Variants in DIAPH2 observed in about 807,000 individuals in gnomAD.
DIAPH2 encodes protein diaphanous homolog 2.
Under a neutral mutation model 92.7 loss-of-function variants are expected in DIAPH2, and 35 were observed. The ratio of observed to expected loss-of-function variants is 0.38; its 90% CI spans 0.29 to 0.50. DIAPH2 has a LOEUF of 0.50. DIAPH2 is among the 20% of genes least tolerant of loss of function. The pLI, the probability that DIAPH2 is intolerant of heterozygous loss-of-function variation, is 0.94. For missense variants in DIAPH2, 701 were observed against 819.5 expected (o/e 0.86, Z 1.77); for synonymous variants, 301 against 280.4 (o/e 1.07, Z -0.73).
intron 7 of DIAPH2, among the ~76,000 whole-genome samples, chrX:96,913,602 C>A (rs1335756921): frequency 9.0e-6 from 1 of 111,158 alleles, no homozygotes; most frequent in Non-Finnish European, 1.9e-5. Flanking sequence ...TGTTTCCACA[C>A]AGAGAATTTC....
chrX:97,549,181 C>G (rs1388319075), intron 26 of DIAPH2, among the ~76,000 whole-genome samples: 1 of 112,104 alleles, frequency 8.9e-6, no homozygotes, highest in African/African-American at 3.2e-5. Context: ...TGCTAAATAG[C>G]TTCAGCATTT....
chrX:97,306,540 T>G (rs1347004220), intron 23 of DIAPH2, among the ~76,000 whole-genome samples: 1 of 111,976 alleles, frequency 8.9e-6, no homozygotes, highest in African/African-American at 3.2e-5. Flanking sequence ...TTCTGAGCCT[T>G]CCTTATCTCT....
intron 17 of DIAPH2, among the ~76,000 whole-genome samples, chrX:96,972,151 G>A (rs1482199378): frequency 9.0e-6 from 1 of 111,301 alleles, no homozygotes; most frequent in Non-Finnish European, 1.9e-5. Flanking sequence ...TTTGCTAATA[G>A]CTGTTTCAAA....
chrX:96,862,186 G>A (rs184869087), intron 4 of DIAPH2, among the ~76,000 whole-genome samples: 283 of 111,764 alleles, frequency 2.5e-3, no homozygotes, highest in African/African-American at 8.7e-3. Context: ...CAGAGTGTCT[G>A]GCACATAGTA....
intron 23 of DIAPH2, among the ~76,000 whole-genome samples, chrX:97,257,066 C>T (rs2068243519): frequency 9.1e-6 from 1 of 109,832 alleles, no homozygotes. Context: ...ATCATGCTGT[C>T]TTTTATGTTG....
chrX:96,856,117 G>A (rs1195140822), intron 4 of DIAPH2, among the ~76,000 whole-genome samples: 1 of 111,812 alleles, frequency 8.9e-6, no homozygotes, highest in Admixed American at 9.5e-5. Flanking sequence ...GTGGAGTGGA[G>A]GGAGGAATAG....
At chrX:96,981,595 T>A (rs1408715109) in intron 17 of DIAPH2, among the ~76,000 whole-genome samples, 1 of 112,058 alleles carries the variant, frequency 8.9e-6, no homozygotes, top group East Asian at 2.8e-4. Flanking sequence ...TTCAATTTTG[T>A]TTTCTACCCT....
At chrX:97,166,891 CATAA>C (rs755240826) in intron 22 of DIAPH2, among the ~76,000 whole-genome samples, 32 of 112,083 alleles carry the variant, frequency 2.9e-4, no homozygotes, top group Admixed American at 2.1e-3. Context: ...ATTATGTATA[CATAA>C]ATAATCTATT....
intron 26 of DIAPH2, among the ~76,000 whole-genome samples, chrX:97,596,026 A>G (rs779095639): frequency 2.1e-4 from 24 of 111,989 alleles, no homozygotes; most frequent in Admixed American, 4.7e-4. Flanking sequence ...TCACCTTCAC[A>G]TGGGGCACAT....
At chrX:97,509,111 A>T (rs1195112846) in intron 26 of DIAPH2, among the ~76,000 whole-genome samples, 1 of 108,442 alleles carries the variant, frequency 9.2e-6, no homozygotes, top group Non-Finnish European at 1.9e-5. Flanking sequence ...CAGTGGTGCG[A>T]TCTTGGCTCA....
intron 15 of DIAPH2, among the ~76,000 whole-genome samples, chrX:96,955,346 C>T (rs766930423): frequency 9.8e-5 from 11 of 111,869 alleles, no homozygotes; most frequent in South Asian, 7.5e-4. Context: ...CCCCTGGTCC[C>T]GCCCTTGACA....
At chrX:96,807,345 C>A (rs1387744786) in intron 4 of DIAPH2, among the ~76,000 whole-genome samples, 5 of 111,411 alleles carry the variant, frequency 4.5e-5, no homozygotes, top group Non-Finnish European at 9.4e-5. Flanking sequence ...TTTATTTTAG[C>A]AAATAAACTC....
intron 3 of DIAPH2, among the ~76,000 whole-genome samples, chrX:96,751,802 C>T (rs1463534642): frequency 2.2e-4 from 20 of 92,493 alleles, no homozygotes; most frequent in African/African-American, 5.7e-4. Flanking sequence ...TACAGGCGCC[C>T]GCCACTACGC....
chrX:97,457,822 C>T (rs1377314602), intron 26 of DIAPH2, among the ~76,000 whole-genome samples: 2 of 112,159 alleles, frequency 1.8e-5, no homozygotes, highest in East Asian at 5.6e-4. Context: ...GCTCCTTCAG[C>T]CATGTGAAGA....
intron 23 of DIAPH2, among the ~76,000 whole-genome samples, chrX:97,329,080 T>A (rs1259506608): frequency 8.9e-6 from 1 of 112,094 alleles, no homozygotes; most frequent in Non-Finnish European, 1.9e-5. Flanking sequence ...TCCATTTGCT[T>A]ACTCAGTATG....
intron 15 of DIAPH2, among the ~76,000 whole-genome samples, chrX:96,953,071 A>G (rs1437014881): frequency 9.0e-6 from 1 of 111,054 alleles, no homozygotes; most frequent in Non-Finnish European, 1.9e-5. Flanking sequence ...ATGCACTATG[A>G]TTTTGCCACT....
chrX:97,235,308 T>G (rs975956092), intron 22 of DIAPH2, among the ~76,000 whole-genome samples: 2 of 111,991 alleles, frequency 1.8e-5, no homozygotes, highest in Non-Finnish European at 3.8e-5. Flanking sequence ...GAAGACGTTT[T>G]GAAAACAACC....
chrX:97,099,816 AC>A, intron 20 of DIAPH2, 21 bp downstream of exon 20: 1 of 963,860 alleles, frequency 1.0e-6, no homozygotes, highest in Non-Finnish European at 1.4e-6. Flanking sequence ...AACATGAGGG[AC>A]CACAAACTCA....
chrX:97,337,128 T>G (rs1255713750), intron 23 of DIAPH2, among the ~76,000 whole-genome samples: 1 of 107,330 alleles, frequency 9.3e-6, no homozygotes, highest in African/African-American at 3.5e-5. Context: ...TTTCTTTCTT[T>G]TCTTTTTTTT....
Sources: allele counts gnomAD v4.1 joint callset (sites outside exome capture counted in the v4.1 genomes callset), GRCh38; gene constraint gnomAD v4.1.1; transcripts MANE v1.5; gene names NCBI Gene and HGNC (gene_info 2026-07-23, HGNC 2026-07-21).